The following PLA2G4B variants were observed in gnomAD, a reference collection of about 807,000 sequenced individuals.
The protein encoded by PLA2G4B is cytosolic phospholipase A2 beta.
A neutral mutation model predicts 95.8 loss-of-function variants in PLA2G4B; 122 were observed. That is an observed-to-expected ratio of 1.27 (90% confidence interval 1.10 to 1.48). The LOEUF (loss-of-function observed/expected upper bound fraction) is 1.48. Among genes scored for constraint, PLA2G4B ranks in the 40% most tolerant of loss-of-function variants. The probability of loss-of-function intolerance (pLI) is 0.00; values close to 1 mark genes in which losing one functional copy is unlikely to be tolerated. For synonymous variants in PLA2G4B, 518 were observed against 421.5 expected, an observed-to-expected ratio of 1.23 and a Z score of -2.80; for missense variants, 1,158 against 996.2, an observed-to-expected ratio of 1.16 and a Z score of -2.19.
At chr15:41,841,598 C>A (rs558696506) in intron 7 of PLA2G4B, 27 bp downstream of exon 7, 1 of 1,613,784 alleles carries the variant, frequency 6.2e-7, no homozygotes, top group African/African-American at 1.3e-5. Flanking sequence ...CTGGGACAGC[C>A]CCTGGCTCTC....
chr15:41,847,421 C>A lies in PLA2G4B; in HGVS notation c.2032C>A (p.Pro678Thr), dbSNP rs1193513591. The change falls in exon 19 of 20, where the codon CCT (proline) becomes ACT (threonine). Residue 678 changes from proline to threonine, a missense_variant. Pro to Thr is a conservative substitution (Grantham distance 38). Transcript: ENST00000458483. Reference protein sequence around the residue: ...ISPSPEEQLQPRECHTFSDPT... With the variant: ...ISPSPEEQLQTRECHTFSDPT... ...GCCCAGCCCCGAAGAGCAGCTCCAG[C>A]CTCGGGAGTGCCACACCTTCTCCGA... 6.2e-7 allele frequency: 1 copy of A among 1,613,424 alleles called. No individual in the cohort carries two copies. Among genetic ancestry groups the A allele is most frequent in the African/African-American group, 1.3e-5 (1 of 75,036 alleles).
Position 41,845,780 on chromosome 15 carries a change from G to A in PLA2G4B, c.1495+5G>A, listed in dbSNP as rs758557358. 1 of 1,590,426 alleles carries A rather than the reference G, an allele frequency of 6.3e-7. No individual in the cohort carries two copies. The highest frequency in any genetic ancestry group is 2.2e-5 in the East Asian group (1 of 44,606). On this transcript the variant is annotated splice_donor_5th_base_variant and intron_variant, in intron 15 of 19. Coordinates refer to ENST00000458483, the MANE Select transcript of PLA2G4B (RefSeq NM_001114633.2). The stretch of plus-strand genomic sequence containing the variant: ...CCCGCATCTGCTTCTTAGAAGGTGA[G>A]GGGCACTGGCAGGCTGGGGAAGCTG...
chr15:41,847,171 G>A (rs951774188), intron 18 of PLA2G4B, among the ~76,000 whole-genome samples, 166 bp from the exon 19 acceptor site: 3 of 138,594 alleles, frequency 2.2e-5, no homozygotes, highest in Non-Finnish European at 3.2e-5. Context: ...AGCTGCCACC[G>A]AGGCCTGTCA....
Position 41,846,417 on chromosome 15 carries a change from C to T in PLA2G4B, c.1780+35C>T, listed in dbSNP as rs372158161. On this transcript the variant is annotated intron_variant, in intron 17 of 19. Coordinates refer to ENST00000458483, the MANE Select transcript of PLA2G4B (RefSeq NM_001114633.2). ...TCTCTCCAAAGTCCTCCTGTGGCCA[C>T]CTGAGCCTTGAGTCCCCAGTCCAGA... The T allele has an allele frequency of 3.8e-6, 6 of 1,582,320 alleles. No individual in the cohort carries two copies. The East Asian group carries it at 1.4e-4, about 36-fold the overall frequency.
rs138301950 is a variant in PLA2G4B at position 41,847,460 on chromosome 15, G to C, written c.2071G>C (p.Gly691Arg). The C allele has an allele frequency of 6.2e-7, 1 of 1,613,088 alleles. No homozygotes were observed. Among genetic ancestry groups the C allele is most frequent in the East Asian group, 2.2e-5 (1 of 44,872 alleles). ...CHTFSDPTCPGAPAVLHFPLV... is the reference protein window; with the variant it reads ...CHTFSDPTCPRAPAVLHFPLV... ...CACCTTCTCCGACCCCACCTGCCCC[G>C]GAGCCCCTGCGGTGCTGCACTTTCC... Residue 691 changes from glycine (G) to arginine (R), a missense_variant, in exon 19 of 20, where the codon GGA (glycine) becomes CGA (arginine). Gly to Arg is a moderately radical substitution (Grantham distance 125). Coordinates refer to ENST00000458483, the MANE Select transcript of PLA2G4B (RefSeq NM_001114633.2).
At chr15:41,847,247 A>G in intron 18 of PLA2G4B, 90 bp from the exon 19 acceptor site, 2 of 1,491,700 alleles carry the variant, frequency 1.3e-6, no homozygotes, top group South Asian at 2.7e-5. Flanking sequence ...TTGGCATTTG[A>G]GCCCCAGGTC....
chr15:41,843,870 C>A, intron 11 of PLA2G4B, 59 bp downstream of exon 11: 1 of 1,588,524 alleles, frequency 6.3e-7, no homozygotes, highest in Non-Finnish European at 8.6e-7. Flanking sequence ...GCTCCTGGTG[C>A]TGAACACTGG....
intron 16 of PLA2G4B, 64 bp downstream of exon 16, chr15:41,846,111 C>A: frequency 6.4e-7 from 1 of 1,574,020 alleles, no homozygotes; most frequent in Admixed American, 1.8e-5. Flanking sequence ...CACCAGGGGG[C>A]GGGGGGTTCA....
chr15:41,847,497 A>ACTC lies in PLA2G4B; in HGVS notation c.2111_2113dup (p.Ser704dup). On this transcript the variant is annotated inframe_insertion, in exon 19 of 20. Coordinates refer to ENST00000458483, the MANE Select transcript of PLA2G4B (RefSeq NM_001114633.2). ...GTGCTGCACTTTCCTCTGGTCAGCG[A>ACTC]CTCCTTCCGGGAGTACTCGGCCCCT... is the stretch of plus-strand genomic sequence containing the variant. 6.2e-7 allele frequency: 1 copy of ACTC among 1,606,732 alleles called. No homozygotes were observed.
intron 14 of PLA2G4B, 71 bp downstream of exon 14, chr15:41,845,391 C>A: frequency 6.5e-7 from 1 of 1,543,768 alleles, no homozygotes; most frequent in Non-Finnish European, 8.8e-7. Flanking sequence ...GGACTGTGTG[C>A]AGATTGCAGA....
chr15:41,839,065 A>C, intron 1 of PLA2G4B, 143 bp downstream of exon 1: 1 of 621,556 alleles, frequency 1.6e-6, no homozygotes, highest in Non-Finnish European at 2.7e-6. Context: ...GGTAGCGGGC[A>C]GAAGCCAGGG....
chr15:41,842,530 G>A, intron 9 of PLA2G4B, 24 bp from the exon 10 acceptor site: 1 of 1,611,658 alleles, frequency 6.2e-7, no homozygotes, highest in Non-Finnish European at 8.5e-7. Context: ...GACCTTTTGT[G>A]ACTGGGGCCT....
rs752189579 is a variant in PLA2G4B at position 41,840,671 on chromosome 15, C to T, written c.219+11C>T. The T allele has an allele frequency of 6.2e-7, 1 of 1,611,668 alleles. No individual in the cohort carries two copies. The highest frequency in any genetic ancestry group is 1.1e-5 in the South Asian group (1 of 90,672). ...CACAGGCAGCTCAAGGTGGGCCAGG[C>T]ATCAGCGCTGACTCTACCCACATCC... On this transcript the variant is annotated intron_variant, in intron 3 of 19. Coordinates refer to ENST00000458483, the MANE Select transcript of PLA2G4B (RefSeq NM_001114633.2).
intron 16 of PLA2G4B, 21 bp from the exon 17 acceptor site, chr15:41,846,182 T>TC: frequency 6.2e-7 from 1 of 1,604,110 alleles, no homozygotes; most frequent in Non-Finnish European, 8.5e-7. Flanking sequence ...AGTCCCCATT[T>TC]CCCCCACCTT....
At chr15:41,843,643 A>C (rs2065477062) in intron 10 of PLA2G4B, 33 bp from the exon 11 acceptor site, 2 of 1,605,338 alleles carry the variant, frequency 1.2e-6, no homozygotes, top group Non-Finnish European at 1.7e-6. Context: ...GAGGGTTGAG[A>C]GCTGTCTCAC....
At chr15:41,846,460 T>G in intron 17 of PLA2G4B, 78 bp downstream of exon 17, 2 of 1,540,674 alleles carry the variant, frequency 1.3e-6, no homozygotes, top group Non-Finnish European at 1.8e-6. Flanking sequence ...CACAGTCCAC[T>G]CCCATTCTCC....
intron 15 of PLA2G4B, 52 bp downstream of exon 15, chr15:41,845,827 C>A (rs765743491): frequency 6.5e-7 from 1 of 1,548,932 alleles, no homozygotes; most frequent in Non-Finnish European, 8.7e-7. Context: ...GAAAATGGGT[C>A]CTGGGTGAGA....
chr15:41,838,923 G>C lies in PLA2G4B; in HGVS notation c.9+1G>C, dbSNP rs1453724749. 2 of 1,593,744 alleles carry C rather than the reference G, an allele frequency of 1.3e-6. No individual in the cohort carries two copies. The highest frequency in any genetic ancestry group is 1.7e-6 in the Non-Finnish European group (2 of 1,169,260). On this transcript the variant is annotated splice_donor_variant, in intron 1 of 19. Coordinates refer to ENST00000458483, the MANE Select transcript of PLA2G4B (RefSeq NM_001114633.2). LOFTEE classifies it high-confidence loss of function. ...CTGAGGACTCAGTCTCATGGCTGTG[G>C]TAAGGCCTGGCAGGGCCCTGGGTCC...
At chr15:41,842,874 A>T (rs1401260507) in intron 10 of PLA2G4B, 5 of 439,294 alleles carry the variant, frequency 1.1e-5, no homozygotes, top group Non-Finnish European at 2.0e-5. Flanking sequence ...AGGATGGAAA[A>T]TGGTAACATG....
Sources: allele counts gnomAD v4.1 joint callset (sites outside exome capture counted in the v4.1 genomes callset), GRCh38; gene constraint gnomAD v4.1.1; transcripts MANE v1.5; gene names NCBI Gene and HGNC (gene_info 2026-07-23, HGNC 2026-07-21).